The following PIP5K1B variants were observed in gnomAD, a reference collection of about 807,000 sequenced individuals.
The protein encoded by PIP5K1B is phosphatidylinositol-4-phosphate 5-kinase type 1 beta.
A neutral mutation model predicts 67.0 loss-of-function variants in PIP5K1B; 42 were observed. The observed-to-expected ratio is 0.63, with a 90% CI of 0.49 to 0.81. The LOEUF (loss-of-function observed/expected upper bound fraction) is 0.81, where lower values mean the gene tolerates loss of function less well. Ranked by LOEUF, PIP5K1B falls within the 30% of genes least tolerant of loss-of-function variation. The probability of loss-of-function intolerance (pLI) is 0.00; values close to 1 mark genes in which losing one functional copy is unlikely to be tolerated. For missense variants in PIP5K1B, 459 were observed against 646.3 expected, an observed-to-expected ratio of 0.71 and a Z score of 3.14; for synonymous variants, 214 against 231.4, an observed-to-expected ratio of 0.92 and a Z score of 0.68.
chr9:68,838,092 T>G (rs1415943160), intron 4 of PIP5K1B, among the ~76,000 whole-genome samples: 1 of 151,756 alleles, frequency 6.6e-6, no homozygotes, highest in Non-Finnish European at 1.5e-5. Context: ...CTTTTGCGCA[T>G]GGGATTTTTT....
intron 15 of PIP5K1B, among the ~76,000 whole-genome samples, chr9:68,997,708 T>C (rs1418281970): frequency 4.6e-5 from 7 of 152,314 alleles, no homozygotes; most frequent in Non-Finnish European, 8.8e-5. Flanking sequence ...GGACCTCCCA[T>C]TGCCCGAGTC....
At chr9:68,938,041 G>A (rs1305261261) in intron 13 of PIP5K1B, among the ~76,000 whole-genome samples, 2 of 152,186 alleles carry the variant, frequency 1.3e-5, no homozygotes, top group East Asian at 1.9e-4. Flanking sequence ...TTTAGAATAA[G>A]TGCAATGAGG....
At chr9:68,716,268 A>G (rs760862109) in intron 1 of PIP5K1B, among the ~76,000 whole-genome samples, 1 of 152,384 alleles carries the variant, frequency 6.6e-6, no homozygotes, top group Middle Eastern at 3.4e-3. Context: ...ATGGAGAACT[A>G]TATGGCTTCA....
intron 9 of PIP5K1B, among the ~76,000 whole-genome samples, chr9:68,919,036 TTTAA>T (rs1826239620): frequency 6.6e-6 from 1 of 152,202 alleles, no homozygotes; most frequent in South Asian, 2.1e-4. Context: ...GGAATAACTG[TTTAA>T]TTATATTTTT....
At chr9:68,859,891 T>C (rs969137772) in intron 4 of PIP5K1B, among the ~76,000 whole-genome samples, 3 of 152,172 alleles carry the variant, frequency 2.0e-5, no homozygotes, top group Admixed American at 1.3e-4. Context: ...GCAGACAAGA[T>C]GCTTTTTTTC....
At chr9:68,909,093 A>T (rs17081071) in intron 8 of PIP5K1B, among the ~76,000 whole-genome samples, 9,860 of 152,268 alleles carry the variant, frequency 0.065, 637 homozygotes, top group East Asian at 0.37. Context: ...TCTCTAGCTC[A>T]TCATTGGCAA....
chr9:68,914,436 C>T (rs970960518), intron 8 of PIP5K1B, among the ~76,000 whole-genome samples: 3 of 152,154 alleles, frequency 2.0e-5, no homozygotes, highest in Non-Finnish European at 4.4e-5. Context: ...AAATTCCTGG[C>T]CAGGCACAGT....
Position 68,776,634 on chromosome 9 carries a change from AATAAGTAATATTTTTTAAAAT to A in PIP5K1B, c.-86+33992_-86+34012del, listed in dbSNP as rs1384025251. Reference sequence around the variant, plus strand: ...CTAAACTATTTATTTTTAACCTAAAAATAAGTAATATTTTTTAAAATATAAGTAATATTTTAAAAATCTAAT... The same window carrying A: ...CTAAACTATTTATTTTTAACCTAAAAATAAGTAATATTTTAAAAATCTAAT... On this transcript the variant is annotated intron_variant, in intron 2 of 15. Transcript: ENST00000265382. 4.3e-4 allele frequency among the ~76,000 whole-genome samples: 66 copies of A among 152,160 alleles called. 1 individual carries two copies. Among genetic ancestry groups the A allele is most frequent in the Middle Eastern group, 3.4e-3 (1 of 294 alleles).
chr9:68,847,413 T>TGTG (rs1822248062), intron 4 of PIP5K1B, among the ~76,000 whole-genome samples: 23 of 101,646 alleles, frequency 2.3e-4, no homozygotes, highest in Admixed American at 5.9e-4. Flanking sequence ...AGCAGTGGTT[T>TGTG]TGTGTGTGTG....
At chr9:68,883,581 A>G (rs1011158664) in intron 6 of PIP5K1B, among the ~76,000 whole-genome samples, 3 of 152,130 alleles carry the variant, frequency 2.0e-5, no homozygotes, top group Admixed American at 1.3e-4. Flanking sequence ...TGTTTCTGCT[A>G]GTTTCTCTCT....
intron 14 of PIP5K1B, among the ~76,000 whole-genome samples, chr9:68,968,715 AT>A (rs1554749541): frequency 9.1e-5 from 13 of 142,230 alleles, no homozygotes; most frequent in African/African-American, 3.1e-4. Context: ...ATATATATAT[AT>A]TTTTTTTTTG....
intron 6 of PIP5K1B, among the ~76,000 whole-genome samples, chr9:68,884,415 G>A (rs1294535655): frequency 6.6e-6 from 1 of 150,898 alleles, no homozygotes; most frequent in Non-Finnish European, 1.5e-5. Context: ...TGTAGTCCCA[G>A]CACTTTGGAA....
chr9:68,758,426 C>T (rs929101217), intron 2 of PIP5K1B, among the ~76,000 whole-genome samples: 1 of 151,998 alleles, frequency 6.6e-6, no homozygotes, highest in Admixed American at 6.6e-5. Flanking sequence ...TAAAGAAGAA[C>T]CAAATTAAAA....
At chr9:68,826,326 G>A (rs1008163899) in intron 4 of PIP5K1B, among the ~76,000 whole-genome samples, 38 of 152,150 alleles carry the variant, frequency 2.5e-4, no homozygotes, top group Admixed American at 1.7e-3. Context: ...CAGAACCCAC[G>A]CCTTCCTTAA....
At chr9:68,771,281 T>C (rs1470182578) in intron 2 of PIP5K1B, among the ~76,000 whole-genome samples, 1 of 152,218 alleles carries the variant, frequency 6.6e-6, no homozygotes, top group South Asian at 2.1e-4. Flanking sequence ...CATTTACTAA[T>C]TGCTTAATTT....
At chr9:68,844,700 AT>A (rs574957899) in intron 4 of PIP5K1B, among the ~76,000 whole-genome samples, 14 of 152,214 alleles carry the variant, frequency 9.2e-5, no homozygotes, top group Non-Finnish European at 1.6e-4. Context: ...AAACAATTTA[AT>A]AACGCTCTCT....
chr9:68,752,973 T>C (rs1829711130), intron 2 of PIP5K1B, among the ~76,000 whole-genome samples: 2 of 152,242 alleles, frequency 1.3e-5, no homozygotes, highest in Non-Finnish European at 2.9e-5. Flanking sequence ...ATTACATAAA[T>C]TGTACCTTAA....
chr9:68,942,016 G>A (rs967935395), intron 14 of PIP5K1B, among the ~76,000 whole-genome samples: 3 of 152,178 alleles, frequency 2.0e-5, no homozygotes, highest in Non-Finnish European at 4.4e-5. Flanking sequence ...TCTGCTCTAA[G>A]GGCCAACAAA....
At chr9:68,799,978 A>G (rs1832510135) in intron 2 of PIP5K1B, among the ~76,000 whole-genome samples, 1 of 152,248 alleles carries the variant, frequency 6.6e-6, no homozygotes, top group Non-Finnish European at 1.5e-5. Flanking sequence ...AACAAACTAT[A>G]CATCTGAAAA....
Sources: gnomAD v4.1 joint callset for allele counts (sites outside exome capture counted in the v4.1 genomes callset) on GRCh38, gnomAD v4.1.1 for gene constraint, MANE v1.5 for transcripts, NCBI Gene and HGNC (gene_info 2026-07-23, HGNC 2026-07-21) for gene names.